Variants in ZNF777 observed in about 807,000 individuals in gnomAD.
The protein encoded by ZNF777 is zinc finger protein 777.
Under a neutral mutation model 72.1 loss-of-function variants are expected in ZNF777, and 7 were observed. The ratio of observed to expected loss-of-function variants is 0.10; its 90% CI spans 0.06 to 0.18. ZNF777 has a LOEUF of 0.18. ZNF777 is among the 10% of genes least tolerant of loss of function. The pLI is 1.00. For synonymous variants in ZNF777, 545 were observed against 483.5 expected (o/e 1.13, Z -1.67); for missense variants, 828 against 1,128.6 (o/e 0.73, Z 3.82).
At chr7:149,442,555 G>T (rs886716455) in intron 4 of ZNF777, among the ~76,000 whole-genome samples, 3 of 151,756 alleles carry the variant, frequency 2.0e-5, no homozygotes, top group African/African-American at 7.3e-5. Context: ...AGGAGGTGGA[G>T]GTTGCAGTGA....
chr7:149,434,773 G>A (rs1029585123), intron 5 of ZNF777, among the ~76,000 whole-genome samples: 2 of 152,032 alleles, frequency 1.3e-5, no homozygotes, highest in Admixed American at 1.3e-4. Context: ...AGTAGAGATG[G>A]GGTTTCACCA....
intron 4 of ZNF777, among the ~76,000 whole-genome samples, chr7:149,444,006 C>G (rs866293154): frequency 2.0e-5 from 3 of 152,202 alleles, no homozygotes; most frequent in South Asian, 2.1e-4. Flanking sequence ...CTCCATAACT[C>G]TAAGTAACAC....
In ZNF777 at chr7:149,436,859, A is replaced by G; in HGVS notation, c.1088-33T>C. 6.3e-7 allele frequency: 1 copy of G among 1,590,354 alleles called. No individual in the cohort carries two copies. The highest frequency in any genetic ancestry group is 8.6e-7 in the Non-Finnish European group (1 of 1,162,104). ...AGGGTGGGCAGGGGTGAGGAGGAGA[A>G]AAGAACCCAGAATGTTCATGCCAAC... On this transcript the variant is annotated intron_variant, in intron 4 of 5. Coordinates refer to ENST00000247930, the MANE Select transcript of ZNF777 (RefSeq NM_015694.3). This position sits in a 1 kb window ranked among gnomAD's most constrained non-coding sequence, Gnocchi z 5.0.
intron 4 of ZNF777, among the ~76,000 whole-genome samples, chr7:149,448,719 C>T (rs1257643203): frequency 6.6e-6 from 1 of 151,204 alleles, no homozygotes; most frequent in African/African-American, 2.4e-5. Context: ...CAGATTTCAG[C>T]CATGCCTTCT....
chr7:149,436,874 T>C lies in ZNF777; in HGVS notation c.1088-48A>G. Reference sequence around the variant, plus strand: ...GAGGAGGAGAAAAGAACCCAGAATGTTCATGCCAACTGCCCAGGTTTCTGC... The same window carrying C: ...GAGGAGGAGAAAAGAACCCAGAATGCTCATGCCAACTGCCCAGGTTTCTGC... On this transcript the variant is annotated intron_variant, in intron 4 of 5. Coordinates refer to ENST00000247930, the MANE Select transcript of ZNF777 (RefSeq NM_015694.3). This position sits in a 1 kb window ranked among gnomAD's most constrained non-coding sequence, Gnocchi z 5.0. 6.3e-7 allele frequency: 1 copy of C among 1,578,472 alleles called. No homozygotes were observed. The highest frequency in any genetic ancestry group is 1.7e-4 in the Middle Eastern group (1 of 5,902).
rs1563237861 is a variant in ZNF777, at chr7:149,448,589, A to ACATATAAC, written c.1087+2409_1087+2410insGTTATATG. On this transcript the variant is annotated intron_variant, in intron 4 of 5. Coordinates refer to ENST00000247930, the MANE Select transcript of ZNF777 (RefSeq NM_015694.3). ...TAGTTATACATATAACTATATATATATATATATATATATATATATATAGTA... is the reference window on the plus strand; with the variant it reads ...TAGTTATACATATAACTATATATATACATATAACTATATATATATATATATATATAGTA... Among the ~76,000 whole-genome samples, 62 of 52,358 alleles carry ACATATAAC rather than the reference A, an allele frequency of 1.2e-3. 1 individual carries two copies. Among genetic ancestry groups the ACATATAAC allele is most frequent in the African/African-American group, 4.0e-3 (50 of 12,494 alleles). 34.3% of individuals were successfully genotyped at this position (52,358 alleles called of 152,430 possible).
intron 4 of ZNF777, among the ~76,000 whole-genome samples, chr7:149,437,980 A>G (rs908540770): frequency 1.3e-5 from 2 of 151,548 alleles, no homozygotes; most frequent in Non-Finnish European, 2.9e-5. Flanking sequence ...CCCAACTTCA[A>G]GCGATTCTCC....
intron 3 of ZNF777, among the ~76,000 whole-genome samples, chr7:149,451,449 G>T (rs1799715468): frequency 6.6e-6 from 1 of 152,198 alleles, no homozygotes; most frequent in Non-Finnish European, 1.5e-5. Flanking sequence ...CCAGCACATT[G>T]GGAGGCTGAG....
At position 149,459,957 on chromosome 7, in the gene ZNF777, G is replaced by C. The variant is rs905898761; in HGVS notation, c.-16+858C>G. The C allele has an allele frequency of 4.3e-6, 4 of 930,862 alleles. No individual in the cohort carries two copies. The African/African-American group carries it at 7.2e-5, about 17-fold the overall frequency. The allele number at this position is 930,862 out of a possible 1,614,324, so 57.7% of individuals were successfully genotyped here. On this transcript the variant is annotated intron_variant, in intron 1 of 5. Transcript: ENST00000247930. ...GCCCGTAGCCCTCCCCCACCGCCCGGGTCAAGACGCGCGGGCCCCCTCCAG... is the reference window on the plus strand; with the variant it reads ...GCCCGTAGCCCTCCCCCACCGCCCGCGTCAAGACGCGCGGGCCCCCTCCAG...
intron 1 of ZNF777, among the ~76,000 whole-genome samples, chr7:149,457,716 C>G (rs1280679124): frequency 6.6e-6 from 1 of 152,240 alleles, no homozygotes; most frequent in Admixed American, 6.5e-5. Flanking sequence ...TGCCGCGAAC[C>G]AGACATGAGC....
chr7:149,432,823 C>T lies in ZNF777; in HGVS notation c.1449G>A (p.Glu483=). The T allele has an allele frequency of 6.2e-7, 1 of 1,600,698 alleles. No individual in the cohort carries two copies. The highest frequency in any genetic ancestry group is 1.1e-5 in the South Asian group (1 of 89,916). Residue 483 remains glutamate, a synonymous_variant, in exon 6 of 6, where the codon GAG becomes GAA. Coordinates refer to ENST00000247930, the MANE Select transcript of ZNF777 (RefSeq NM_015694.3). ...GCAGCGGGGTCTGGTACATACTGGC[C>T]TCATATCTCCCGGACAGCTGCCCAA... The part of the protein sequence containing the change: ...QSLGQLSGRY[E]ASMYQTPLPG...
rs924838212 is a variant in ZNF777 at position 149,436,154 on chromosome 7, T to C, written c.1339+421A>G. 2.0e-5 allele frequency among the ~76,000 whole-genome samples: 3 copies of C among 152,188 alleles called. No homozygotes were observed. Among genetic ancestry groups the C allele is most frequent in the Non-Finnish European group, 2.9e-5 (2 of 68,032 alleles). On this transcript the variant is annotated intron_variant, in intron 5 of 5. Coordinates refer to ENST00000247930, the MANE Select transcript of ZNF777 (RefSeq NM_015694.3). The surrounding 1 kb of genome is among the most constrained non-coding windows in gnomAD (Gnocchi z 5.0). Reference sequence around the variant, plus strand: ...TTCGACCACAGAATGCCGGTGCTATTGTTATTTGAAAACCATGCTCTCCAG... The same window carrying C: ...TTCGACCACAGAATGCCGGTGCTATCGTTATTTGAAAACCATGCTCTCCAG...
At chr7:149,433,438 C>A (rs888833098) in intron 5 of ZNF777, among the ~76,000 whole-genome samples, 3 of 152,248 alleles carry the variant, frequency 2.0e-5, no homozygotes, top group African/African-American at 7.2e-5. Flanking sequence ...AGGGTCTCCA[C>A]TCCTAAGGTT....
chr7:149,460,144 C>G lies in ZNF777; in HGVS notation c.-16+671G>C. On this transcript the variant is annotated intron_variant, in intron 1 of 5. Coordinates refer to ENST00000247930, the MANE Select transcript of ZNF777 (RefSeq NM_015694.3). The surrounding 1 kb of genome is among the most constrained non-coding windows in gnomAD (Gnocchi z 6.1). ...TCACAGGAGCCGGGGCCGCCTCGGC[C>G]ATGGCCCTGCGCTGTCCGGCCCGGG... is the stretch of plus-strand genomic sequence containing the variant. 8.2e-6 allele frequency: 8 copies of G among 978,256 alleles called. No homozygotes were observed. Among genetic ancestry groups the G allele is most frequent in the Non-Finnish European group, 9.7e-6 (8 of 825,756 alleles). 60.6% of individuals were successfully genotyped at this position (978,256 alleles called of 1,614,324 possible).
In ZNF777 at chr7:149,455,451, G is replaced by A. The variant is rs1270237441; in HGVS notation, c.572C>T (p.Ala191Val). The A allele has an allele frequency of 6.2e-7, 1 of 1,614,174 alleles. No homozygotes were observed. Among genetic ancestry groups the A allele is most frequent in the South Asian group, 1.1e-5 (1 of 91,084 alleles). ...AEITRLAVWA[A>V]VQAVERKLEA... ...CAGCTTCCTCTCCACTGCTTGGACG[G>A]CAGCCCACACAGCCAAGCGGGTGAT... Residue 191 changes from alanine (A) to valine (V), a missense_variant, in exon 2 of 6, where the codon GCC (alanine) becomes GTC (valine). Physicochemically the swap from Ala to Val is moderately conservative, Grantham distance 64 (BLOSUM62 0). Transcript: ENST00000247930. The surrounding 1 kb of genome is among the most constrained non-coding windows in gnomAD (Gnocchi z 4.2).
At position 149,431,630 on chromosome 7, in the gene ZNF777, T is replaced by C. The variant is rs996700852; in HGVS notation, c.*146A>G. On this transcript the variant is annotated 3_prime_UTR_variant, in exon 6 of 6. Coordinates refer to ENST00000247930, the MANE Select transcript of ZNF777 (RefSeq NM_015694.3). ...CCTGGTCTCACTGCCCCCATGTCCTTGGGAGGAGGGACGAGAGGAGAGGGG... is the reference window on the plus strand; with the variant it reads ...CCTGGTCTCACTGCCCCCATGTCCTCGGGAGGAGGGACGAGAGGAGAGGGG... 2 of 798,136 alleles carry C rather than the reference T, an allele frequency of 2.5e-6. No individual in the cohort carries two copies. The highest frequency in any genetic ancestry group is 3.5e-6 in the Non-Finnish European group (2 of 565,946). 49.4% of individuals were successfully genotyped at this position (798,136 alleles called of 1,614,324 possible).
In ZNF777 at chr7:149,455,340, A is replaced by C; in HGVS notation, c.683T>G (p.Val228Gly). The change falls in exon 2 of 6, where the codon GTG becomes GGG. Residue 228 changes from valine to glycine, a missense_variant. Val to Gly is a moderately radical substitution (Grantham distance 109, BLOSUM62 -3). Coordinates refer to ENST00000247930, the MANE Select transcript of ZNF777 (RefSeq NM_015694.3). The surrounding 1 kb of genome is among the most constrained non-coding windows in gnomAD (Gnocchi z 4.2). ...KKIADCEKTA[V>G]EFANHLESKW... is the part of the protein sequence containing the mutation. ...GCTCTCCAGATGGTTCGCGAACTCC[A>C]CGGCTGTCTTCTCGCAGTCGGCTAT... 1 of 1,614,122 alleles carries C rather than the reference A, an allele frequency of 6.2e-7. No homozygotes were observed. The highest frequency in any genetic ancestry group is 1.1e-5 in the South Asian group (1 of 91,080).
chr7:149,456,062 G>A, intron 1 of ZNF777, 25 bp from the exon 2 acceptor site: 6 of 1,521,794 alleles, frequency 3.9e-6, no homozygotes, highest in Non-Finnish European at 4.4e-6. Context: ...GAAAGGAAAA[G>A]AGGATTAAAG....
chr7:149,435,140 T>C (rs75128560), intron 5 of ZNF777, among the ~76,000 whole-genome samples: 4,383 of 152,238 alleles, frequency 0.029, 215 homozygotes, highest in African/African-American at 0.099. Flanking sequence ...TGAAATACCA[T>C]GGAGTTACTT....
Sources: allele counts gnomAD v4.1 joint callset (sites outside exome capture counted in the v4.1 genomes callset), GRCh38; gene constraint gnomAD v4.1.1; non-coding constraint Gnocchi (gnomAD v3.1); transcripts MANE v1.5; gene names NCBI Gene and HGNC (gene_info 2026-07-23, HGNC 2026-07-21).